EXT1: variants seen among roughly 807,000 people sequenced by gnomAD.
EXT1 encodes exostosin glycosyltransferase 1.
Under a neutral mutation model 82.5 loss-of-function variants are expected in EXT1, and 20 were observed. The ratio of observed to expected loss-of-function variants is 0.24; its 90% CI spans 0.17 to 0.35. The LOEUF is 0.35. Ranked by LOEUF, EXT1 falls within the 10% of genes least tolerant of loss-of-function variation. The probability of loss-of-function intolerance (pLI) is 1.00; values close to 1 mark genes in which losing one functional copy is unlikely to be tolerated. For missense variants in EXT1, 757 were observed against 936.5 expected, an observed-to-expected ratio of 0.81 and a Z score of 2.50; for synonymous variants, 348 against 350.8, an observed-to-expected ratio of 0.99 and a Z score of 0.09.
chr8:117,806,477 C>T (rs548262593), intron 9 of EXT1, among the ~76,000 whole-genome samples: 1 of 152,342 alleles, frequency 6.6e-6, no homozygotes, highest in South Asian at 2.1e-4. Flanking sequence ...GTCAAGTCCT[C>T]ATGATGGACA....
chr8:118,047,040 A>T (rs965398385), intron 1 of EXT1, among the ~76,000 whole-genome samples: 6 of 152,202 alleles, frequency 3.9e-5, no homozygotes, highest in Non-Finnish European at 7.3e-5. Flanking sequence ...CAGATTTCCT[A>T]AGGAGGGTAA....
intron 1 of EXT1, among the ~76,000 whole-genome samples, chr8:117,907,443 T>G (rs991137831): frequency 2.0e-5 from 3 of 152,226 alleles, no homozygotes; most frequent in Admixed American, 6.5e-5. Flanking sequence ...TAATAGGAAG[T>G]GTGCTTCCTG....
chr8:117,853,912 G>A lies in EXT1; in HGVS notation c.963-16711C>T, dbSNP rs1812496996. On this transcript the variant is annotated intron_variant, in intron 1 of 10. Transcript: ENST00000378204. The stretch of plus-strand genomic sequence containing the variant: ...AAACCATGTTAGAAAATACTGAAAT[G>A]ACTTAATTGCAGAAAGAGGCAGCCT... Among the ~76,000 whole-genome samples the A allele has an allele frequency of 3.9e-5, 6 of 152,254 alleles. No homozygotes were observed. The South Asian group carries it at 1.2e-3, about 31-fold the overall frequency.
chr8:118,001,096 T>C (rs1201206247), intron 1 of EXT1, among the ~76,000 whole-genome samples: 1 of 152,200 alleles, frequency 6.6e-6, no homozygotes, highest in Non-Finnish European at 1.5e-5. Flanking sequence ...AACACAAAGA[T>C]AGATGAGTAT....
intron 1 of EXT1, among the ~76,000 whole-genome samples, chr8:117,969,613 T>C (rs1814897373): frequency 6.6e-6 from 1 of 152,172 alleles, no homozygotes; most frequent in Non-Finnish European, 1.5e-5. Flanking sequence ...AAATCCTGCA[T>C]AAATTATGCA....
In EXT1 at chr8:117,849,576, C is replaced by T. The variant is rs139275494; in HGVS notation, c.963-12375G>A. The stretch of plus-strand genomic sequence containing the variant: ...TTTCTTTCATCTTTGTTTTATACGA[C>T]GCTAGCTTTCTCTCTCTAGTTAATG... On this transcript the variant is annotated intron_variant, in intron 1 of 10. Coordinates refer to ENST00000378204, the MANE Select transcript of EXT1 (RefSeq NM_000127.3). Among the ~76,000 whole-genome samples the T allele has an allele frequency of 3.9e-3, 597 of 152,272 alleles. 1 individual carries two copies. Among genetic ancestry groups the T allele is most frequent in the African/African-American group, 0.014 (566 of 41,554 alleles).
At chr8:117,817,453 CA>C (rs1198698043) in intron 7 of EXT1, among the ~76,000 whole-genome samples, 2 of 152,158 alleles carry the variant, frequency 1.3e-5, no homozygotes, top group South Asian at 4.1e-4. Flanking sequence ...ACTGCTTCAC[CA>C]ATCTCAATTT....
chr8:117,932,430 T>C (rs1192691178), intron 1 of EXT1, among the ~76,000 whole-genome samples: 1 of 152,186 alleles, frequency 6.6e-6, no homozygotes, highest in Non-Finnish European at 1.5e-5. Context: ...AACCAATTAC[T>C]GAGTCTGGGG....
At chr8:117,894,594 T>C (rs1813303556) in intron 1 of EXT1, among the ~76,000 whole-genome samples, 1 of 152,176 alleles carries the variant, frequency 6.6e-6, no homozygotes, top group South Asian at 2.1e-4. Flanking sequence ...CTTTAATTCC[T>C]CTTTAAGTAA....
intron 1 of EXT1, among the ~76,000 whole-genome samples, chr8:117,949,257 T>C (rs1814444390): frequency 6.6e-6 from 1 of 152,150 alleles, no homozygotes; most frequent in Admixed American, 6.6e-5. Context: ...TTAAGCTGGA[T>C]AAAATAAAAG....
chr8:118,025,805 T>C (rs897977405), intron 1 of EXT1, among the ~76,000 whole-genome samples: 2 of 152,156 alleles, frequency 1.3e-5, no homozygotes, highest in Non-Finnish European at 2.9e-5. Context: ...TTGACAATTA[T>C]GAAACATGTC....
chr8:118,069,019 C>A (rs1355761259), intron 1 of EXT1, among the ~76,000 whole-genome samples: 1 of 152,158 alleles, frequency 6.6e-6, no homozygotes, highest in Non-Finnish European at 1.5e-5. Context: ...AGTACCTACA[C>A]CCCCTTCTAG....
intron 1 of EXT1, among the ~76,000 whole-genome samples, chr8:118,030,868 G>A (rs1816302399): frequency 6.6e-6 from 1 of 152,166 alleles, no homozygotes; most frequent in African/African-American, 2.4e-5. Flanking sequence ...GGAAAGAGGA[G>A]GAGGAGTGAA....
At chr8:117,857,492 T>C (rs976126876) in intron 1 of EXT1, among the ~76,000 whole-genome samples, 1 of 151,082 alleles carries the variant, frequency 6.6e-6, no homozygotes, top group Admixed American at 6.6e-5. Context: ...TGCTTGAGCC[T>C]AGGAGTTCGA....
rs1257669376 is a variant in EXT1, at chr8:117,833,901, C to T, written c.1164+1543G>A. 3.9e-5 allele frequency among the ~76,000 whole-genome samples: 6 copies of T among 152,306 alleles called. No homozygotes were observed. In the South Asian group the frequency reaches 1.0e-3, roughly 26 times the overall value. ...TTCATGAATAAATGATTTTAGCATA[C>T]ACTATCTCTGCATGGGGAAAACTCT... On this transcript the variant is annotated intron_variant, in intron 3 of 10. Transcript: ENST00000378204.
intron 8 of EXT1, among the ~76,000 whole-genome samples, chr8:117,810,802 T>A (rs1270409278): frequency 6.6e-6 from 1 of 152,170 alleles, no homozygotes; most frequent in Non-Finnish European, 1.5e-5. Flanking sequence ...ATGGACTGCA[T>A]CACCTGGTTG....
intron 1 of EXT1, among the ~76,000 whole-genome samples, chr8:117,878,987 C>G (rs961976545): frequency 2.0e-5 from 3 of 152,210 alleles, no homozygotes; most frequent in Non-Finnish European, 4.4e-5. Context: ...CAGAAGGAAA[C>G]ATGAGAATGG....
chr8:117,807,115 T>C, intron 9 of EXT1, 102 bp downstream of exon 9: 1 of 1,415,042 alleles, frequency 7.1e-7, no homozygotes, highest in South Asian at 1.2e-5. Context: ...AGACTAATTT[T>C]CCTCAATGCT....
At chr8:118,107,093 T>C (rs1462200502) in intron 1 of EXT1, among the ~76,000 whole-genome samples, 2 of 152,218 alleles carry the variant, frequency 1.3e-5, no homozygotes, top group African/African-American at 4.8e-5. Context: ...CTAAATTCTT[T>C]ATCGACACAT....
Sources: gnomAD v4.1 joint callset for allele counts (sites outside exome capture counted in the v4.1 genomes callset) on GRCh38, gnomAD v4.1.1 for gene constraint, MANE v1.5 for transcripts, NCBI Gene and HGNC (gene_info 2026-07-23, HGNC 2026-07-21) for gene names.